Variants in MAP4K3 observed in about 807,000 individuals in gnomAD.
MAP4K3 encodes the protein mitogen-activated protein kinase kinase kinase kinase 3.
Under a neutral mutation model 143.5 loss-of-function variants are expected in MAP4K3, and 94 were observed. The observed-to-expected ratio is 0.65, with a 90% CI of 0.55 to 0.78. MAP4K3 has a LOEUF of 0.78. Ranked by LOEUF, MAP4K3 falls within the 30% of genes least tolerant of loss-of-function variation. MAP4K3 has a pLI of 0.00. For synonymous variants in MAP4K3, 416 were observed against 347.2 expected, an observed-to-expected ratio of 1.20 and a Z score of -2.20; for missense variants, 1,077 against 1,068.1, an observed-to-expected ratio of 1.01 and a Z score of -0.12.
intron 1 of MAP4K3, among the ~76,000 whole-genome samples, chr2:39,378,699 G>A (rs886323435): frequency 3.9e-5 from 6 of 152,008 alleles, no homozygotes; most frequent in Non-Finnish European, 8.8e-5. Context: ...CAGGCCCCCT[G>A]CATCCTTTTA....
intron 12 of MAP4K3, among the ~76,000 whole-genome samples, chr2:39,324,127 A>G (rs975051254): frequency 6.6e-6 from 1 of 152,180 alleles, no homozygotes; most frequent in Non-Finnish European, 1.5e-5. Context: ...AAACTTCTTC[A>G]GGCCAGGTGC....
At position 39,398,735 on chromosome 2, in the gene MAP4K3, AATAATAATAATG is replaced by A. The variant is rs1177725456; in HGVS notation, c.97-20624_97-20613del. Among the ~76,000 whole-genome samples the A allele has an allele frequency of 3.7e-3, 534 of 142,674 alleles. 5 individuals are homozygous for A. Among genetic ancestry groups the A allele is most frequent in the East Asian group, 0.025 (125 of 5,098 alleles). The allele number at this position is 142,674 out of a possible 152,430, so 93.6% of individuals were successfully genotyped here. ...TTAAAATAATAATAATAATAATAAT[AATAATAATAATG>A]ATGATGATAATAATTGGCCAGGCAT... On this transcript the variant is annotated intron_variant, in intron 1 of 33. Coordinates refer to ENST00000263881, the MANE Select transcript of MAP4K3 (RefSeq NM_003618.4).
chr2:39,425,572 C>G (rs1258358421), intron 1 of MAP4K3, among the ~76,000 whole-genome samples: 1 of 152,120 alleles, frequency 6.6e-6, no homozygotes, highest in Non-Finnish European at 1.5e-5. Flanking sequence ...TGCCCTCTCT[C>G]TCTGTAAGAA....
chr2:39,332,703 T>C (rs6722096), intron 7 of MAP4K3, among the ~76,000 whole-genome samples: 10,480 of 152,040 alleles, frequency 0.069, 1,235 homozygotes, highest in African/African-American at 0.24. Context: ...AAGCAATCAA[T>C]AGATAACTAA....
In MAP4K3 at chr2:39,336,913, T is replaced by G; in HGVS notation, c.414+7A>C. The stretch of plus-strand genomic sequence containing the variant: ...GAGGGTTATTATGTTAAAAATATAA[T>G]GTATACCTTTATATCTCTGTGCATT... On this transcript the variant is annotated splice_region_variant and intron_variant, in intron 6 of 33. Transcript: ENST00000263881. The G allele has an allele frequency of 8.4e-7, 1 of 1,187,920 alleles. No homozygotes were observed. Among genetic ancestry groups the G allele is most frequent in the Non-Finnish European group, 1.2e-6 (1 of 837,398 alleles). The allele number at this position is 1,187,920 out of a possible 1,614,324, so 73.6% of individuals were successfully genotyped here. A position where few individuals can be genotyped will look rare whatever the true frequency, so the allele number is the denominator to read the frequency against.
Position 39,249,966 on chromosome 2 carries a change from C to G in MAP4K3, c.*652G>C, listed in dbSNP as rs1680086056. ...AAACAATCCAAATACATTTGTGGAGCCAAATGCTTATAGACAATGTCACAG... is the reference window on the plus strand; with the variant it reads ...AAACAATCCAAATACATTTGTGGAGGCAAATGCTTATAGACAATGTCACAG... On this transcript the variant is annotated 3_prime_UTR_variant, in exon 34 of 34. Transcript: ENST00000263881. 6.6e-6 allele frequency: 1 copy of G among 152,180 alleles called. No homozygotes were observed. Among genetic ancestry groups the G allele is most frequent in the African/African-American group, 2.4e-5 (1 of 41,420 alleles). 9.4% of individuals were successfully genotyped at this position (152,180 alleles called of 1,614,324 possible).
chr2:39,310,825 T>C (rs1267046342), intron 13 of MAP4K3, among the ~76,000 whole-genome samples: 4 of 152,196 alleles, frequency 2.6e-5, no homozygotes, highest in Non-Finnish European at 4.4e-5. Flanking sequence ...CTTTTTTGAT[T>C]TGCATTTTCT....
intron 19 of MAP4K3, among the ~76,000 whole-genome samples, chr2:39,288,888 T>C (rs1180099629): frequency 1.3e-5 from 2 of 152,052 alleles, no homozygotes; most frequent in Non-Finnish European, 2.9e-5. Context: ...CCGTCTCTAC[T>C]AAAAATACAA....
At chr2:39,322,437 G>C (rs1198260917) in intron 12 of MAP4K3, among the ~76,000 whole-genome samples, 1 of 151,978 alleles carries the variant, frequency 6.6e-6, no homozygotes, top group Non-Finnish European at 1.5e-5. Flanking sequence ...CTTACATATA[G>C]GAGACGAAAA....
At chr2:39,291,250 T>A (rs1682035031) in intron 18 of MAP4K3, among the ~76,000 whole-genome samples, 2 of 152,222 alleles carry the variant, frequency 1.3e-5, no homozygotes, top group African/African-American at 2.4e-5. Flanking sequence ...AAATTTGTAT[T>A]ATAATTATTT....
intron 2 of MAP4K3, among the ~76,000 whole-genome samples, chr2:39,357,977 T>C (rs1182550161): frequency 1.3e-5 from 2 of 152,184 alleles, no homozygotes; most frequent in African/African-American, 4.8e-5. Flanking sequence ...TGAGAGTTAT[T>C]AGTAGTCATG....
chr2:39,422,728 T>C (rs1269057265), intron 1 of MAP4K3, among the ~76,000 whole-genome samples: 1 of 152,034 alleles, frequency 6.6e-6, no homozygotes, highest in African/African-American at 2.4e-5. Context: ...CAAAATAAAA[T>C]AAAATATAAA....
At chr2:39,349,562 A>G (rs1665390706) in intron 3 of MAP4K3, among the ~76,000 whole-genome samples, 1 of 152,220 alleles carries the variant, frequency 6.6e-6, no homozygotes, top group Non-Finnish European at 1.5e-5. Flanking sequence ...CTTGAAAATT[A>G]GCAAGGCCAC....
chr2:39,416,002 T>TATATATATATATATATAA (rs1553318623), intron 1 of MAP4K3, among the ~76,000 whole-genome samples: 3 of 91,152 alleles, frequency 3.3e-5, no homozygotes, highest in African/African-American at 1.4e-4. Context: ...TATATATATA[T>TATATATATATATATATAA]ATAAAAATAA....
intron 3 of MAP4K3, among the ~76,000 whole-genome samples, chr2:39,344,638 G>C (rs1042553084): frequency 4.6e-5 from 7 of 152,172 alleles, no homozygotes; most frequent in African/African-American, 1.7e-4. Context: ...ACTTGGGTTA[G>C]ATCATAATTT....
intron 31 of MAP4K3, among the ~76,000 whole-genome samples, 191 bp downstream of exon 31, chr2:39,258,157 C>G (rs1463867665): frequency 6.6e-6 from 1 of 152,134 alleles, no homozygotes; most frequent in Non-Finnish European, 1.5e-5. Context: ...GTTTTGAACT[C>G]CTGGCCTCAA....
chr2:39,255,240 A>G (rs1173942550), intron 31 of MAP4K3, among the ~76,000 whole-genome samples: 4 of 152,244 alleles, frequency 2.6e-5, no homozygotes, highest in South Asian at 2.1e-4. Context: ...CAATTTTGCA[A>G]TAAACATTTT....
At chr2:39,259,050 T>C (rs2148437960) in intron 29 of MAP4K3, among the ~76,000 whole-genome samples, 1 of 150,804 alleles carries the variant, frequency 6.6e-6, no homozygotes, top group Admixed American at 6.6e-5. Context: ...CGAAATGCTG[T>C]GGTGTGATCA....
intron 18 of MAP4K3, among the ~76,000 whole-genome samples, chr2:39,290,808 C>T (rs920932177): frequency 2.6e-5 from 4 of 152,130 alleles, no homozygotes; most frequent in Non-Finnish European, 4.4e-5. Flanking sequence ...TGGTGGCTCA[C>T]GCCTGTAATT....
Sources: gnomAD v4.1 joint callset for allele counts (sites outside exome capture counted in the v4.1 genomes callset) on GRCh38, gnomAD v4.1.1 for gene constraint, MANE v1.5 for transcripts, NCBI Gene and HGNC (gene_info 2026-07-23, HGNC 2026-07-21) for gene names.